ACACA: variants seen among roughly 807,000 people sequenced by gnomAD.
ACACA encodes acetyl-CoA carboxylase 1.
Under a neutral mutation model 296.1 loss-of-function variants are expected in ACACA, and 103 were observed. The observed-to-expected ratio is 0.35, with a 90% CI of 0.30 to 0.41. The LOEUF (loss-of-function observed/expected upper bound fraction) is 0.41, where lower values mean the gene tolerates loss of function less well. ACACA is among the 10% of genes least tolerant of loss of function. The probability of loss-of-function intolerance (pLI) is 1.00; values close to 1 mark genes in which losing one functional copy is unlikely to be tolerated. For synonymous variants in ACACA, 953 were observed against 1,038.6 expected, an observed-to-expected ratio of 0.92 and a Z score of 1.58; for missense variants, 1,554 against 2,989.7, an observed-to-expected ratio of 0.52 and a Z score of 11.20.
intron 3 of ACACA, among the ~76,000 whole-genome samples, chr17:37,311,461 G>GA (rs1302087905): frequency 6.6e-6 from 1 of 151,782 alleles, no homozygotes; most frequent in African/African-American, 2.4e-5. Context: ...TATGCATGAA[G>GA]AAAAAATGAG....
intron 1 of ACACA, among the ~76,000 whole-genome samples, chr17:37,364,181 C>G (rs928242755): frequency 6.6e-6 from 1 of 151,968 alleles, no homozygotes; most frequent in Admixed American, 6.6e-5. Flanking sequence ...CCTGTAGTCT[C>G]AGCTACTTGG....
At chr17:37,395,557 T>C (rs2051051425) in intron 1 of ACACA, among the ~76,000 whole-genome samples, 1 of 152,192 alleles carries the variant, frequency 6.6e-6, no homozygotes, top group Non-Finnish European at 1.5e-5. Context: ...AAATTTTAAT[T>C]TTTTGAGATG....
At chr17:37,253,400 A>T (rs1357800652) in intron 14 of ACACA, among the ~76,000 whole-genome samples, 3 of 152,178 alleles carry the variant, frequency 2.0e-5, no homozygotes, top group Non-Finnish European at 4.4e-5. Flanking sequence ...CCCCCAAAAA[A>T]ATAAAAATAA....
In ACACA at chr17:37,179,313, G is replaced by A. The variant is rs2077232890; in HGVS notation, c.5026C>T (p.Leu1676=). Residue 1676 remains leucine, a synonymous_variant, in exon 41 of 56, where the codon CTG becomes TTG. Transcript: ENST00000616317. The part of the protein sequence containing the change: ...SDMLTYTELV[L]DDQGQLVHMN... Reference sequence around the variant, plus strand: ...TGGACCAGCTGACCTTGATCATCCAGTACCAGTTCAGTGTAAGTCAGCATG... The same window carrying A: ...TGGACCAGCTGACCTTGATCATCCAATACCAGTTCAGTGTAAGTCAGCATG... 1.2e-6 allele frequency: 2 copies of A among 1,613,998 alleles called. No homozygotes were observed. The highest frequency in any genetic ancestry group is 2.2e-5 in the East Asian group (1 of 44,884).
chr17:37,165,741 C>T (rs1010212440), intron 41 of ACACA, among the ~76,000 whole-genome samples: 15 of 148,466 alleles, frequency 1.0e-4, no homozygotes, highest in Non-Finnish European at 1.8e-4. Context: ...GTGGCACAAT[C>T]TTGGCTCACT....
intron 9 of ACACA, among the ~76,000 whole-genome samples, chr17:37,271,778 TG>T (rs966360389): frequency 9.9e-5 from 15 of 151,154 alleles, no homozygotes; most frequent in African/African-American, 3.7e-4. Context: ...GAGACCAGCC[TG>T]GCCAACATGG....
At chr17:37,121,286 T>C (rs964033612) in intron 50 of ACACA, 69 bp downstream of exon 50, 165 of 1,607,642 alleles carry the variant, frequency 1.0e-4, no homozygotes, top group Middle Eastern at 3.9e-4. Context: ...GCTGAATCTA[T>C]ACCCTCCCTC....
Position 37,257,867 on chromosome 17 carries a change from C to T in ACACA, c.1663-1G>A. ...CTGTTCCTGAGCTGGGCTTAAAACCCTGTTAGAGAATAAAGAATGAGAGAC... is the reference window on the plus strand; with the variant it reads ...CTGTTCCTGAGCTGGGCTTAAAACCTTGTTAGAGAATAAAGAATGAGAGAC... On this transcript the variant is annotated splice_acceptor_variant, in intron 13 of 55. Transcript: ENST00000616317. LOFTEE classifies it high-confidence loss of function. 1 of 1,614,020 alleles carries T rather than the reference C, an allele frequency of 6.2e-7. No homozygotes were observed. The highest frequency in any genetic ancestry group is 8.5e-7 in the Non-Finnish European group (1 of 1,179,946).
In ACACA at chr17:37,381,176, T is replaced by TTTG. The variant is rs570921905; in HGVS notation, c.38+25083_38+25085dup. Among the ~76,000 whole-genome samples the TTTG allele has an allele frequency of 1.4e-3, 215 of 152,000 alleles. 2 individuals carry two copies. Among genetic ancestry groups the TTTG allele is most frequent in the African/African-American group, 4.6e-3 (190 of 41,400 alleles). The stretch of plus-strand genomic sequence containing the variant: ...TTTTGTTTTTTGTTGTTATTGTTAT[T>TTTG]TTGTTGTTGTTGTTGTTGTTTTCTT... On this transcript the variant is annotated intron_variant, in intron 1 of 55. Transcript: ENST00000616317.
chr17:37,207,411 A>T (rs907153623), intron 31 of ACACA, among the ~76,000 whole-genome samples: 4 of 152,134 alleles, frequency 2.6e-5, no homozygotes, highest in African/African-American at 9.7e-5. Flanking sequence ...ACAGGAAAAG[A>T]TGGTTTTTGT....
At chr17:37,216,907 A>G (rs1331195751) in intron 29 of ACACA, among the ~76,000 whole-genome samples, 1 of 152,066 alleles carries the variant, frequency 6.6e-6, no homozygotes, top group African/African-American at 2.4e-5. Flanking sequence ...GTTTCACCCC[A>G]ACCTATGGAG....
At chr17:37,156,929 T>C (rs1013624325) in intron 42 of ACACA, among the ~76,000 whole-genome samples, 3 of 152,354 alleles carry the variant, frequency 2.0e-5, no homozygotes, top group African/African-American at 4.8e-5. Flanking sequence ...GTCATTAGTA[T>C]GTCAGTCAGT....
intron 24 of ACACA, among the ~76,000 whole-genome samples, chr17:37,238,010 C>G (rs1433571497): frequency 6.6e-6 from 1 of 152,194 alleles, no homozygotes; most frequent in Non-Finnish European, 1.5e-5. Flanking sequence ...ATCTGCCGGC[C>G]TTGGCCTCCG....
At chr17:37,358,966 C>G in intron 1 of ACACA, 5 of 985,868 alleles carry the variant, frequency 5.1e-6, no homozygotes, top group Non-Finnish European at 6.0e-6. Flanking sequence ...TCCAGGTCCC[C>G]GGTCACAGGT....
chr17:37,289,370 T>C, intron 3 of ACACA: 1 of 1,020,752 alleles, frequency 9.8e-7, no homozygotes, highest in Middle Eastern at 2.5e-4. Flanking sequence ...CTGTTACTAA[T>C]GGTATTGAAA....
At chr17:37,149,567 T>A (rs1188888009) in intron 45 of ACACA, among the ~76,000 whole-genome samples, 1 of 152,186 alleles carries the variant, frequency 6.6e-6, no homozygotes, top group East Asian at 1.9e-4. Flanking sequence ...CACTAAAACA[T>A]AAGCACTTTA....
chr17:37,097,301 T>A lies in ACACA; in HGVS notation c.6721-135A>T. 1 of 1,003,894 alleles carries A rather than the reference T, an allele frequency of 1.0e-6. No individual in the cohort carries two copies. The allele number at this position is 1,003,894 out of a possible 1,614,324, so 62.2% of individuals were successfully genotyped here. ...GACCCAAGAGCTGGCTGTAAACTCC[T>A]AGCACTTCCAGATGTCCCCCAGGGC... On this transcript the variant is annotated intron_variant, in intron 53 of 55. Coordinates refer to ENST00000616317, the MANE Select transcript of ACACA (RefSeq NM_198834.3). The surrounding 1 kb of genome is among the most constrained non-coding windows in gnomAD (Gnocchi z 4.8).
At chr17:37,263,628 C>A in intron 11 of ACACA, 57 bp downstream of exon 11, 1 of 1,420,200 alleles carries the variant, frequency 7.0e-7, no homozygotes, top group Non-Finnish European at 9.9e-7. Flanking sequence ...GGTACATGAA[C>A]TGAATGAAAA....
At chr17:37,269,355 A>G (rs893217488) in intron 10 of ACACA, among the ~76,000 whole-genome samples, 1 of 152,170 alleles carries the variant, frequency 6.6e-6, no homozygotes, top group Non-Finnish European at 1.5e-5. Flanking sequence ...TAAACCCAAC[A>G]TAAGTTGAAA....
Sources: allele counts gnomAD v4.1 joint callset (sites outside exome capture counted in the v4.1 genomes callset), GRCh38; gene constraint gnomAD v4.1.1; non-coding constraint Gnocchi (gnomAD v3.1); transcripts MANE v1.5; gene names NCBI Gene and HGNC (gene_info 2026-07-23, HGNC 2026-07-21).